The following PCDH15 variants were observed in gnomAD, a reference collection of about 807,000 sequenced individuals.
PCDH15 encodes the protein protocadherin related 15.
A neutral mutation model predicts 178.5 loss-of-function variants in PCDH15; 129 were observed. The ratio of observed to expected loss-of-function variants is 0.72; its 90% CI spans 0.63 to 0.84. The LOEUF (loss-of-function observed/expected upper bound fraction) is 0.84. Among genes scored for constraint, PCDH15 ranks in the 40% least tolerant of loss-of-function variants. The probability of loss-of-function intolerance (pLI) is 0.00; values close to 1 mark genes in which losing one functional copy is unlikely to be tolerated. For missense variants in PCDH15, 2,230 were observed against 2,099.9 expected (o/e 1.06, Z -1.21); for synonymous variants, 800 against 732.0 (o/e 1.09, Z -1.50).
chr10:55,492,798 A>T (rs1238287692), intron 2 of PCDH15, among the ~76,000 whole-genome samples: 1 of 151,816 alleles, frequency 6.6e-6, no homozygotes, highest in Non-Finnish European at 1.5e-5. Context: ...AAAGTCAATG[A>T]TGCTTAGAGA....
intron 3 of PCDH15, among the ~76,000 whole-genome samples, chr10:54,840,720 A>C (rs1206235201): frequency 6.6e-6 from 1 of 151,910 alleles, no homozygotes; most frequent in African/African-American, 2.4e-5. Flanking sequence ...ATATAGTCTA[A>C]AATGGAAGGA....
At chr10:54,904,304 G>A (rs1400119699) in intron 2 of PCDH15, among the ~76,000 whole-genome samples, 2 of 151,724 alleles carry the variant, frequency 1.3e-5, no homozygotes, top group Admixed American at 1.3e-4. Flanking sequence ...TTCATGTAAG[G>A]TTGTACTTTA....
chr10:54,167,016 C>T (rs533370335), intron 13 of PCDH15, among the ~76,000 whole-genome samples: 2 of 152,218 alleles, frequency 1.3e-5, no homozygotes, highest in East Asian at 3.9e-4. Context: ...ACCCTTATCT[C>T]CCTTCGCTGA....
intron 2 of PCDH15, among the ~76,000 whole-genome samples, chr10:54,975,205 A>C (rs916014863): frequency 6.6e-6 from 1 of 152,184 alleles, no homozygotes; most frequent in Non-Finnish European, 1.5e-5. Flanking sequence ...TTTTCCTATT[A>C]GATTTTCGAA....
intron 2 of PCDH15, among the ~76,000 whole-genome samples, chr10:55,487,141 T>C (rs1025980916): frequency 2.6e-5 from 4 of 151,690 alleles, no homozygotes; most frequent in Non-Finnish European, 3.0e-5. Flanking sequence ...CCAAATGCCT[T>C]CTACATTTAT....
intron 3 of PCDH15, among the ~76,000 whole-genome samples, chr10:54,477,577 T>C (rs150825002): frequency 6.8e-4 from 103 of 152,280 alleles, no homozygotes; most frequent in Non-Finnish European, 4.7e-4. Flanking sequence ...GTTGAATGAA[T>C]GAACGAATAT....
At chr10:54,776,906 A>T (rs1949765578) in intron 1 of PCDH15, among the ~76,000 whole-genome samples, 1 of 152,194 alleles carries the variant, frequency 6.6e-6, no homozygotes, top group African/African-American at 2.4e-5. Context: ...CAGAGTTAAG[A>T]GGAGGTTTAT....
intron 2 of PCDH15, among the ~76,000 whole-genome samples, chr10:55,072,959 A>C (rs1022028825): frequency 6.6e-6 from 1 of 151,978 alleles, no homozygotes; most frequent in African/African-American, 2.4e-5. Flanking sequence ...CAAATCAATA[A>C]ATGTAATCCA....
At chr10:54,940,541 A>T (rs1052956521) in intron 2 of PCDH15, among the ~76,000 whole-genome samples, 1 of 152,140 alleles carries the variant, frequency 6.6e-6, no homozygotes, top group African/African-American at 2.4e-5. Context: ...TTAGATCTAG[A>T]TCTAGATCTG....
intron 1 of PCDH15, among the ~76,000 whole-genome samples, chr10:55,194,154 G>A (rs1168145656): frequency 6.6e-6 from 1 of 151,994 alleles, no homozygotes; most frequent in Non-Finnish European, 1.5e-5. Flanking sequence ...TGTTGGTCAA[G>A]AACTTACATT....
intron 17 of PCDH15, among the ~76,000 whole-genome samples, chr10:54,072,757 C>T (rs1310707735): frequency 1.3e-5 from 2 of 152,028 alleles, no homozygotes; most frequent in Non-Finnish European, 1.5e-5. Context: ...CATGGGAGGT[C>T]CCATCTAATA....
chr10:54,603,156 A>C (rs2092610549), intron 2 of PCDH15, among the ~76,000 whole-genome samples: 1 of 151,814 alleles, frequency 6.6e-6, no homozygotes, highest in Non-Finnish European at 1.5e-5. Context: ...CATTTATCTA[A>C]TTTGTTGGTG....
At chr10:55,626,159 G>GAATAAATAAATAAATAAATA (rs751870281) in intron 2 of PCDH15, among the ~76,000 whole-genome samples, 22 of 151,144 alleles carry the variant, frequency 1.5e-4, no homozygotes, top group African/African-American at 4.2e-4. Flanking sequence ...GAGAGAGAGA[G>GAATAAATAAATAAATAAATA]AATAAATAAA....
intron 13 of PCDH15, among the ~76,000 whole-genome samples, chr10:54,178,736 C>CAAA (rs1312579627): frequency 4.5e-4 from 55 of 123,040 alleles, no homozygotes; most frequent in Non-Finnish European, 8.2e-4. Flanking sequence ...AAAAAAACAA[C>CAAA]CCCATCAAAA....
At chr10:55,604,432 C>A (rs565976498) in intron 2 of PCDH15, among the ~76,000 whole-genome samples, 1 of 151,962 alleles carries the variant, frequency 6.6e-6, no homozygotes, top group Non-Finnish European at 1.5e-5. Context: ...CCCATATCAA[C>A]GGAATATACA....
chr10:55,268,450 G>A (rs1016698107), intron 1 of PCDH15, among the ~76,000 whole-genome samples: 9 of 152,068 alleles, frequency 5.9e-5, no homozygotes, highest in African/African-American at 2.2e-4. Context: ...TCAGTAAATT[G>A]CCATCTTAAA....
chr10:54,440,149 G>A (rs563749274), intron 3 of PCDH15, among the ~76,000 whole-genome samples: 2 of 152,062 alleles, frequency 1.3e-5, no homozygotes, highest in African/African-American at 4.8e-5. Context: ...AACCAGATGT[G>A]GCAGAAAGTT....
intron 14 of PCDH15, among the ~76,000 whole-genome samples, chr10:54,140,201 T>A (rs915610590): frequency 6.6e-6 from 1 of 152,218 alleles, no homozygotes; most frequent in Admixed American, 6.5e-5. Flanking sequence ...AGTTTGGCAA[T>A]TTTTTAAATA....
Position 54,421,706 on chromosome 10 carries a change from ACAC to A in PCDH15, c.158-42767_158-42765del, listed in dbSNP as rs1485661682. On this transcript the variant is annotated intron_variant, in intron 3 of 37. Coordinates refer to ENST00000644397, the MANE Select transcript of PCDH15 (RefSeq NM_001384140.1). Reference sequence around the variant, plus strand: ...TATATATATATATACACACACACACACACACTATATATATTTTTGTGTTATATA... The same window carrying A: ...TATATATATATATACACACACACACAACTATATATATTTTTGTGTTATATA... Among the ~76,000 whole-genome samples the A allele has an allele frequency of 2.2e-5, 3 of 134,126 alleles. No homozygotes were observed. The East Asian group carries it at 6.2e-4, about 27-fold the overall frequency. 88.0% of individuals were successfully genotyped at this position (134,126 alleles called of 152,430 possible).
Sources: gnomAD v4.1 joint callset for allele counts (sites outside exome capture counted in the v4.1 genomes callset) on GRCh38, gnomAD v4.1.1 for gene constraint, MANE v1.5 for transcripts, NCBI Gene and HGNC (gene_info 2026-07-23, HGNC 2026-07-21) for gene names.